The following ZNF282 variants were observed in gnomAD, a reference collection of about 807,000 sequenced individuals.
The protein encoded by ZNF282 is HTLV-I U5 repressive element-binding protein 1.
ZNF282 carries 30 observed loss-of-function variants against 61.9 expected under a neutral mutation model. That is an observed-to-expected ratio of 0.48 (90% CI 0.36 to 0.66). ZNF282 has a LOEUF of 0.66. Ranked by LOEUF, ZNF282 falls within the 30% of genes least tolerant of loss-of-function variation. The pLI is 0.00. For synonymous variants in ZNF282, 396 were observed against 405.0 expected (o/e 0.98, Z 0.27); for missense variants, 788 against 941.4 (o/e 0.84, Z 2.13).
intron 7 of ZNF282, among the ~76,000 whole-genome samples, 170 bp from the exon 8 acceptor site, chr7:149,223,642 T>C (rs1244297874): frequency 3.3e-5 from 5 of 152,152 alleles, no homozygotes; most frequent in Non-Finnish European, 7.4e-5. Flanking sequence ...GCAGGGTGGC[T>C]TCGAACAGGT....
intron 7 of ZNF282, among the ~76,000 whole-genome samples, chr7:149,215,194 C>T (rs1157124412): frequency 5.8e-5 from 7 of 120,114 alleles, no homozygotes; most frequent in African/African-American, 1.7e-4. Context: ...TATTTCCTGA[C>T]ATTTTTTTTT....
chr7:149,212,384 T>C lies in ZNF282; in HGVS notation c.979T>C (p.Leu327=). The change falls in exon 6 of 8, where the codon TTG becomes CTG. Residue 327 remains leucine, a synonymous_variant. Coordinates refer to ENST00000610704, the MANE Select transcript of ZNF282 (RefSeq NM_003575.4). The part of the protein sequence containing the change: ...TDSPISAQDL[L]SRIKQEEHQC... ...CTCCCCAATTTCTGCCCAGGACCTC[T>C]TGTCCCGGATTAAACAGGAGGAGCA... 6.2e-7 allele frequency: 1 copy of C among 1,612,210 alleles called. No homozygotes were observed. Among genetic ancestry groups the C allele is most frequent in the East Asian group, 2.2e-5 (1 of 44,716 alleles).
intron 7 of ZNF282, among the ~76,000 whole-genome samples, chr7:149,217,188 G>A (rs921291155): frequency 6.6e-6 from 1 of 152,000 alleles, no homozygotes; most frequent in African/African-American, 2.4e-5. Context: ...ATTTTTTTTA[G>A]CAGGTATTTA....
chr7:149,198,714 C>T lies in ZNF282; in HGVS notation c.547C>T (p.Leu183=). 1 of 1,613,862 alleles carries T rather than the reference C, an allele frequency of 6.2e-7. No individual in the cohort carries two copies. Among genetic ancestry groups the T allele is most frequent in the Non-Finnish European group, 8.5e-7 (1 of 1,179,912 alleles). ...GCTGCGCAACAGGAACTTCTGGGTC[C>T]TGCGGCTGCCCCCGGGCAGCAAGGG... ...NLLRNRNFWV[L]RLPPGSKGEA... The change falls in exon 2 of 8, where the codon CTG becomes TTG. Residue 183 remains leucine, a synonymous_variant. Transcript: ENST00000610704. This position sits in a 1 kb window ranked among gnomAD's most constrained non-coding sequence, Gnocchi z 4.3.
intron 7 of ZNF282, among the ~76,000 whole-genome samples, chr7:149,221,621 G>A (rs950987457): frequency 1.2e-4 from 19 of 152,212 alleles, no homozygotes; most frequent in Non-Finnish European, 2.4e-4. Flanking sequence ...GCGATCTCCC[G>A]GGATTCTCTG....
chr7:149,202,730 C>T (rs531588974), intron 2 of ZNF282, among the ~76,000 whole-genome samples: 200 of 152,286 alleles, frequency 1.3e-3, no homozygotes, highest in Non-Finnish European at 2.4e-3. Flanking sequence ...GGATTACAGG[C>T]GTGAACCACT....
In ZNF282 at chr7:149,198,386, CTT is replaced by C. The variant is rs1795853926; in HGVS notation, c.221_222del (p.Phe74SerfsTer3). 6.2e-7 allele frequency: 1 copy of C among 1,614,016 alleles called. No homozygotes were observed. Among genetic ancestry groups the C allele is most frequent in the African/African-American group, 1.3e-5 (1 of 74,930 alleles). On this transcript the variant is annotated frameshift_variant, in exon 2 of 8. Transcript: ENST00000610704. LOFTEE classifies it high-confidence loss of function. This position sits in a 1 kb window ranked among gnomAD's most constrained non-coding sequence, Gnocchi z 4.3. ...RRPMPFQFPP[F>X]PDRAPVFPDR... ...GGCCAATGCCTTTTCAGTTCCCACC[CTT>C]TCCAGATAGGGCACCTGTCTTCCCC...
chr7:149,211,784 T>C (rs1195690567), intron 5 of ZNF282, among the ~76,000 whole-genome samples: 1 of 152,166 alleles, frequency 6.6e-6, no homozygotes, highest in Non-Finnish European at 1.5e-5. Context: ...GGCATGACCC[T>C]TGAAAGCATC....
chr7:149,221,729 C>CA (rs796270112), intron 7 of ZNF282, among the ~76,000 whole-genome samples: 79 of 152,164 alleles, frequency 5.2e-4, no homozygotes, highest in African/African-American at 1.9e-3. Context: ...GGTTCTCTGC[C>CA]AGGCCAATTT....
chr7:149,216,663 A>G (rs1796164220), intron 7 of ZNF282, among the ~76,000 whole-genome samples: 1 of 152,178 alleles, frequency 6.6e-6, no homozygotes, highest in Admixed American at 6.6e-5. Flanking sequence ...GATGGTAGCC[A>G]TGCTATTATG....
At position 149,198,386 on chromosome 7, in the gene ZNF282, C is replaced by A. The variant is rs142017242; in HGVS notation, c.219C>A (p.Pro73=). Residue 73 remains proline (P), a synonymous_variant, in exon 2 of 8, where the codon CCC becomes CCA. Transcript: ENST00000610704. This position sits in a 1 kb window ranked among gnomAD's most constrained non-coding sequence, Gnocchi z 4.3. ...GGCCAATGCCTTTTCAGTTCCCACC[C>A]TTTCCAGATAGGGCACCTGTCTTCC... The part of the protein sequence containing the change: ...ARRPMPFQFP[P]FPDRAPVFPD... 82 of 1,614,016 alleles carry A rather than the reference C, an allele frequency of 5.1e-5. 1 individual carries two copies. Among genetic ancestry groups the A allele is most frequent in the Non-Finnish European group, 6.7e-5 (79 of 1,180,010 alleles).
Position 149,198,443 on chromosome 7 carries a change from C to T in ZNF282, c.276C>T (p.Pro92=), listed in dbSNP as rs1193004600. 6.2e-7 allele frequency: 1 copy of T among 1,614,198 alleles called. No homozygotes were observed. Among genetic ancestry groups the T allele is most frequent in the South Asian group, 1.1e-5 (1 of 91,090 alleles). ...PDRMMREPQL[P]TAEISLWTVV... is the part of the protein sequence containing the mutation. ...GCATGATGCGAGAGCCCCAGTTGCC[C>T]ACAGCAGAGATCTCACTCTGGACTG... The change falls in exon 2 of 8, where the codon CCC becomes CCT. Residue 92 remains proline (P), a synonymous_variant. Transcript: ENST00000610704. This position sits in a 1 kb window ranked among gnomAD's most constrained non-coding sequence, Gnocchi z 4.3.
At position 149,195,733 on chromosome 7, in the gene ZNF282, C is replaced by T. The variant is rs1795804616; in HGVS notation, c.144C>T (p.Ala48=). 3 of 1,533,706 alleles carry T rather than the reference C, an allele frequency of 2.0e-6. No homozygotes were observed. Among genetic ancestry groups the T allele is most frequent in the Non-Finnish European group, 2.6e-6 (3 of 1,141,008 alleles). Residue 48 remains alanine (A), a synonymous_variant, in exon 1 of 8, where the codon GCC becomes GCT. Coordinates refer to ENST00000610704, the MANE Select transcript of ZNF282 (RefSeq NM_003575.4). ...AGCCGGCGCTGCGCGGGGAAATGGCCGAGGGAATGCCGCCCATGCAGGTGG... is the reference window on the plus strand; with the variant it reads ...AGCCGGCGCTGCGCGGGGAAATGGCTGAGGGAATGCCGCCCATGCAGGTGG... The part of the protein sequence containing the change: ...HQEPALRGEM[A]EGMPPMQAQE...
At chr7:149,208,736 C>T (rs1251204459) in intron 4 of ZNF282, among the ~76,000 whole-genome samples, 4 of 151,696 alleles carry the variant, frequency 2.6e-5, no homozygotes, top group Non-Finnish European at 5.9e-5. Flanking sequence ...ACCCCACACC[C>T]GGCAGGGCAC....
intron 4 of ZNF282, among the ~76,000 whole-genome samples, chr7:149,208,882 G>A (rs1475746197): frequency 6.6e-6 from 1 of 151,780 alleles, no homozygotes. Context: ...TTAGCCGGGT[G>A]CAGTGGCGTG....
In ZNF282 at chr7:149,212,737, C is replaced by T. The variant is rs1796107671; in HGVS notation, c.1066+266C>T. On this transcript the variant is annotated intron_variant, in intron 6 of 7. Transcript: ENST00000610704. Reference sequence around the variant, plus strand: ...CTGAGATTACAGGCATGTGCCACCACACCTGGCTCATTTTTTGTATTTTTA... The same window carrying T: ...CTGAGATTACAGGCATGTGCCACCATACCTGGCTCATTTTTTGTATTTTTA... Among the ~76,000 whole-genome samples the T allele has an allele frequency of 2.6e-5, 4 of 152,142 alleles. No individual in the cohort carries two copies. In the South Asian group the frequency reaches 8.3e-4, roughly 32 times the overall value.
Position 149,206,794 on chromosome 7 carries a change from G to A in ZNF282, c.684G>A (p.Lys228=). The part of the protein sequence containing the change: ...WQKELYNNLV[K]ENYKTLMSLD... ...AGGAGCTTTATAACAACCTTGTTAA[G>A]GAGAACTACAAAACCCTCATGTCCC... is the stretch of plus-strand genomic sequence containing the variant. Residue 228 remains lysine (K), a synonymous_variant, in exon 3 of 8, where the codon AAG becomes AAA. Coordinates refer to ENST00000610704, the MANE Select transcript of ZNF282 (RefSeq NM_003575.4). The A allele has an allele frequency of 6.2e-7, 1 of 1,614,196 alleles. No individual in the cohort carries two copies. Among genetic ancestry groups the A allele is most frequent in the South Asian group, 1.1e-5 (1 of 91,090 alleles).
Position 149,223,999 on chromosome 7 carries a change from C to T in ZNF282, c.1368C>T (p.Pro456=), listed in dbSNP as rs372401444. Residue 456 remains proline (P), a synonymous_variant, in exon 8 of 8, where the codon CCC becomes CCT. Transcript: ENST00000610704. ...GLLDDGFQVL[P]GERGSGEAPP... ...TGGACGACGGTTTCCAGGTGCTGCC[C>T]GGGGAGCGTGGCTCCGGCGAGGCGC... 3.1e-5 allele frequency: 38 copies of T among 1,245,630 alleles called. 1 individual carries two copies. The South Asian group carries it at 3.7e-4, about 12-fold the overall frequency. The allele number at this position is 1,245,630 out of a possible 1,614,324, so 77.2% of individuals were successfully genotyped here.
intron 7 of ZNF282, among the ~76,000 whole-genome samples, chr7:149,217,031 G>T (rs1398311172): frequency 2.0e-5 from 3 of 152,208 alleles, no homozygotes; most frequent in Non-Finnish European, 4.4e-5. Flanking sequence ...GGTGCTTCCG[G>T]AGTGAGAGGT....
Sources: allele counts gnomAD v4.1 joint callset (sites outside exome capture counted in the v4.1 genomes callset), GRCh38; gene constraint gnomAD v4.1.1; non-coding constraint Gnocchi (gnomAD v3.1); transcripts MANE v1.5; gene names NCBI Gene and HGNC (gene_info 2026-07-23, HGNC 2026-07-21).